Variants in GREB1L observed in about 807,000 individuals in gnomAD.
GREB1L encodes GREB1 like retinoic acid receptor coactivator, also known as GREB1-like protein.
A neutral mutation model predicts 200.8 loss-of-function variants in GREB1L; 17 were observed. The observed-to-expected ratio is 0.08, with a 90% confidence interval of 0.06 to 0.13. The LOEUF is 0.13. Ranked by LOEUF, GREB1L falls within the 10% of genes least tolerant of loss-of-function variation. The probability of loss-of-function intolerance (pLI) is 1.00; values close to 1 mark genes in which losing one functional copy is unlikely to be tolerated. For missense variants in GREB1L, 1,657 were observed against 2,367.7 expected (o/e 0.70, Z 6.23); for synonymous variants, 789 against 893.0 (o/e 0.88, Z 2.08).
chr18:21,456,792 G>A (rs769189672), intron 15 of GREB1L, among the ~76,000 whole-genome samples: 13 of 152,106 alleles, frequency 8.5e-5, no homozygotes, highest in South Asian at 6.2e-4. Context: ...CTCAGCTACC[G>A]GCTTCTTTCT....
intron 1 of GREB1L, among the ~76,000 whole-genome samples, chr18:21,361,126 C>T (rs1238525785): frequency 6.6e-6 from 1 of 151,964 alleles, no homozygotes; most frequent in African/African-American, 2.4e-5. Flanking sequence ...AGATGAGTAC[C>T]ACACTGAAGG....
intron 1 of GREB1L, among the ~76,000 whole-genome samples, chr18:21,351,294 G>C (rs1172303327): frequency 1.3e-5 from 2 of 152,056 alleles, no homozygotes; most frequent in African/African-American, 4.8e-5. Context: ...AAAACTGTTG[G>C]CCAGGAGTGA....
At chr18:21,368,038 T>C (rs1438670583) in intron 2 of GREB1L, among the ~76,000 whole-genome samples, 2 of 152,158 alleles carry the variant, frequency 1.3e-5, no homozygotes, top group Admixed American at 6.5e-5. Flanking sequence ...TCTATACACA[T>C]ATATAGAGAG....
intron 1 of GREB1L, among the ~76,000 whole-genome samples, chr18:21,342,167 A>G (rs1014853608): frequency 2.0e-5 from 3 of 152,104 alleles, no homozygotes; most frequent in African/African-American, 7.2e-5. Context: ...GCCTGAATTG[A>G]TGTTCAGTCC....
At chr18:21,431,033 T>TATTTATTC (rs2033115184) in intron 7 of GREB1L, among the ~76,000 whole-genome samples, 1 of 146,162 alleles carries the variant, frequency 6.8e-6, no homozygotes, top group African/African-American at 2.5e-5. Flanking sequence ...TTTATTTATT[T>TATTTATTC]ATTTTTGAGA....
intron 1 of GREB1L, among the ~76,000 whole-genome samples, chr18:21,267,234 T>C (rs991819222): frequency 7.3e-5 from 10 of 137,818 alleles, no homozygotes; most frequent in African/African-American, 2.4e-4. Context: ...CAGGCTGGAC[T>C]GCAGTGGCAT....
chr18:21,426,668 GT>G (rs939981203), intron 7 of GREB1L, among the ~76,000 whole-genome samples: 31 of 152,180 alleles, frequency 2.0e-4, no homozygotes, highest in Admixed American at 1.4e-3. Context: ...TTTCAAGATT[GT>G]TTTCGCTGTC....
intron 2 of GREB1L, among the ~76,000 whole-genome samples, chr18:21,379,257 A>T (rs944330125): frequency 4.6e-5 from 7 of 152,176 alleles, no homozygotes; most frequent in Admixed American, 1.3e-4. Context: ...CCCAGGCTGG[A>T]GTGCAATGGC....
intron 1 of GREB1L, among the ~76,000 whole-genome samples, chr18:21,306,714 G>T (rs1051250565): frequency 6.6e-6 from 1 of 152,128 alleles, no homozygotes; most frequent in Non-Finnish European, 1.5e-5. Context: ...AATATATAAT[G>T]ATTTTCCAGG....
chr18:21,292,692 CT>C (rs2038470024), intron 1 of GREB1L, among the ~76,000 whole-genome samples: 1 of 152,210 alleles, frequency 6.6e-6, no homozygotes, highest in African/African-American at 2.4e-5. Flanking sequence ...TACTTCACCT[CT>C]TTTCAAGGCT....
At chr18:21,391,482 A>T (rs573271118) in intron 4 of GREB1L, among the ~76,000 whole-genome samples, 1 of 152,368 alleles carries the variant, frequency 6.6e-6, no homozygotes, top group African/African-American at 2.4e-5. Context: ...TAAGTGATAA[A>T]TGACTGTATA....
rs1301720641 is a variant in GREB1L at position 21,490,338 on chromosome 18, T to C, written c.3017T>C (p.Val1006Ala). Residue 1006 changes from valine to alanine, a missense_variant, in exon 19 of 33, where the codon GTG becomes GCG. By Grantham distance (64) the Val-to-Ala change is moderately conservative (BLOSUM62 0). Around this residue, in one of 9 missense-constraint regions of GREB1L, gnomAD observed 512 missense variants for 668.3 expected, o/e 0.77. Coordinates refer to ENST00000424526, the MANE Select transcript of GREB1L (RefSeq NM_001142966.3). ...ATELSVATHF[V>A]ARLKSWRGNE... is the part of the protein sequence containing the mutation. ...GAACTCAGTGTTGCAACTCACTTTG[T>C]GGCGCGATTAAAGGTTAGCAATGGA... 1.3e-6 allele frequency: 2 copies of C among 1,551,082 alleles called. No individual in the cohort carries two copies. The highest frequency in any genetic ancestry group is 8.7e-7 in the Non-Finnish European group (1 of 1,146,430).
chr18:21,400,145 TAGA>T (rs994666182), intron 5 of GREB1L, among the ~76,000 whole-genome samples: 10 of 152,066 alleles, frequency 6.6e-5, no homozygotes, highest in African/African-American at 2.4e-4. Flanking sequence ...CAGACACAAC[TAGA>T]AGAACTCACT....
chr18:21,497,819 C>CG (rs1280195292), intron 21 of GREB1L, among the ~76,000 whole-genome samples: 14 of 125,998 alleles, frequency 1.1e-4, no homozygotes, highest in East Asian at 7.5e-4. Flanking sequence ...CCACCCCCCC[C>CG]CCTTTTTTTT....
At chr18:21,291,168 A>C (rs2038443921) in intron 1 of GREB1L, among the ~76,000 whole-genome samples, 1 of 152,146 alleles carries the variant, frequency 6.6e-6, no homozygotes. Context: ...CCCCCCAGGC[A>C]GTACCCTAGC....
intron 8 of GREB1L, among the ~76,000 whole-genome samples, chr18:21,439,928 C>A (rs1352555654): frequency 1.3e-5 from 2 of 152,146 alleles, no homozygotes; most frequent in Non-Finnish European, 2.9e-5. Flanking sequence ...GTTGTGTGAT[C>A]CTGAACAAAT....
intron 16 of GREB1L, among the ~76,000 whole-genome samples, chr18:21,475,481 C>T (rs2035651382): frequency 6.6e-6 from 1 of 152,106 alleles, no homozygotes; most frequent in Non-Finnish European, 1.5e-5. Context: ...GCCTCAGCCT[C>T]CTGAGTAGCT....
chr18:21,394,931 TAA>T (rs745423470), intron 4 of GREB1L, among the ~76,000 whole-genome samples: 7 of 82,642 alleles, frequency 8.5e-5, no homozygotes, highest in Admixed American at 1.4e-4. Flanking sequence ...CCATCTCTAC[TAA>T]AAAAAAAAAA....
intron 1 of GREB1L, among the ~76,000 whole-genome samples, chr18:21,319,450 A>T (rs1241602394): frequency 6.6e-6 from 1 of 152,256 alleles, no homozygotes; most frequent in Admixed American, 6.5e-5. Flanking sequence ...GGAAGGCCCT[A>T]TACTCTTATA....
Sources: gnomAD v4.1 joint callset for allele counts (sites outside exome capture counted in the v4.1 genomes callset) on GRCh38, gnomAD v4.1.1 for gene constraint, gnomAD v4.1.1 regional missense constraint, MANE v1.5 for transcripts, NCBI Gene and HGNC (gene_info 2026-07-23, HGNC 2026-07-21) for gene names.